SLC2A11: variants seen among roughly 807,000 people sequenced by gnomAD.
SLC2A11 encodes the protein solute carrier family 2 member 11, also known as solute carrier family 2, facilitated glucose transporter member 11.
Under a neutral mutation model 52.1 loss-of-function variants are expected in SLC2A11, and 43 were observed. That is an observed-to-expected ratio of 0.82 (90% CI 0.65 to 1.06). SLC2A11 has a LOEUF of 1.06. Among genes scored for constraint, SLC2A11 ranks in the 50% least tolerant of loss-of-function variants. The probability of loss-of-function intolerance (pLI) is 0.00; values close to 1 mark genes in which losing one functional copy is unlikely to be tolerated. For missense variants in SLC2A11, 582 were observed against 654.2 expected, an observed-to-expected ratio of 0.89 and a Z score of 1.20; for synonymous variants, 261 against 277.6, an observed-to-expected ratio of 0.94 and a Z score of 0.59.
Position 23,868,516 on chromosome 22 carries a change from G to T in SLC2A11, c.165G>T (p.Ala55=). The T allele has an allele frequency of 6.2e-7, 1 of 1,614,214 alleles. No homozygotes were observed. The highest frequency in any genetic ancestry group is 1.1e-5 in the South Asian group (1 of 91,086). ...AATTCACCAATGAGACATGGCAGGC[G>T]CGTACTGGAGAGCCACTGCCCGATC... ...IQEFTNETWQ[A]RTGEPLPDHL... The change falls in exon 3 of 12, where the codon GCG becomes GCT. Residue 55 remains alanine, a synonymous_variant. Transcript: ENST00000316185.
intron 6 of SLC2A11, among the ~76,000 whole-genome samples, chr22:23,879,280 G>A (rs2032725310): frequency 6.6e-6 from 1 of 151,788 alleles, no homozygotes; most frequent in African/African-American, 2.4e-5. Context: ...GTTTTGTTTG[G>A]GACAGGGTCT....
chr22:23,877,366 C>A (rs1287475034), intron 5 of SLC2A11, 195 bp downstream of exon 5: 2 of 946,574 alleles, frequency 2.1e-6, no homozygotes, highest in Non-Finnish European at 1.7e-6. Flanking sequence ...TGTGAATCAC[C>A]TTTTCCCATC....
intron 1 of SLC2A11, among the ~76,000 whole-genome samples, chr22:23,858,422 C>T (rs367719463): frequency 3.9e-5 from 6 of 152,308 alleles, no homozygotes; most frequent in African/African-American, 1.4e-4. Context: ...GACGTCCTGC[C>T]TCACAGAGGG....
intron 1 of SLC2A11, among the ~76,000 whole-genome samples, chr22:23,859,838 A>G (rs1280943880): frequency 6.6e-6 from 1 of 152,242 alleles, no homozygotes; most frequent in Non-Finnish European, 1.5e-5. Context: ...TAGGTTCTGG[A>G]AACTTCAGAA....
intron 2 of SLC2A11, among the ~76,000 whole-genome samples, chr22:23,865,063 C>T (rs1228212073): frequency 1.4e-5 from 2 of 137,954 alleles, no homozygotes; most frequent in East Asian, 2.2e-4. Context: ...GCTGAGATCT[C>T]GCCACTGTGC....
At chr22:23,881,985 G>GAC (rs1281814626) in intron 6 of SLC2A11, 129 of 205,868 alleles carry the variant, frequency 6.3e-4, no homozygotes, top group Middle Eastern at 1.9e-3. Flanking sequence ...CAGAGACAGA[G>GAC]AGATTGAGAG....
chr22:23,868,795 C>A, intron 3 of SLC2A11, 154 bp downstream of exon 3: 1 of 828,938 alleles, frequency 1.2e-6, no homozygotes, highest in Non-Finnish European at 1.8e-6. Context: ...TTTCACCTTG[C>A]AAGACACGTC....
chr22:23,877,815 G>A lies in SLC2A11; in HGVS notation c.640G>A (p.Glu214Lys), dbSNP rs746740860. 3.1e-6 allele frequency: 5 copies of A among 1,613,370 alleles called. No individual in the cohort carries two copies. Among genetic ancestry groups the A allele is most frequent in the Non-Finnish European group, 4.2e-6 (5 of 1,179,740 alleles). Residue 214 changes from glutamate to lysine, a missense_variant, in exon 6 of 12, where the codon GAA becomes AAA. Physicochemically the swap from Glu to Lys is moderately conservative, Grantham distance 56. Coordinates refer to ENST00000316185, the MANE Select transcript of SLC2A11 (RefSeq NM_001024939.4). ...GCTCGCCTCCCTGCCTCTGCTCCCT[G>A]AAAGCCCGCGCTACCTCCTCATTGA... ...LQLASLPLLP[E>K]SPRYLLIDCG...
At chr22:23,875,330 T>G (rs781611181) in intron 4 of SLC2A11, 89 bp downstream of exon 4, 44 of 1,264,758 alleles carry the variant, frequency 3.5e-5, no homozygotes, top group South Asian at 9.0e-5. Flanking sequence ...TTCCTTCATT[T>G]CCTCCCTTTA....
chr22:23,867,660 C>T (rs1168253854), intron 2 of SLC2A11: 1 of 470,120 alleles, frequency 2.1e-6, no homozygotes, highest in African/African-American at 2.0e-5. Flanking sequence ...TCCGAATGTT[C>T]AGCCCCACTC....
At chr22:23,863,863 T>C (rs924886639) in intron 2 of SLC2A11, among the ~76,000 whole-genome samples, 1 of 152,114 alleles carries the variant, frequency 6.6e-6, no homozygotes, top group Non-Finnish European at 1.5e-5. Flanking sequence ...ACTCCTGAGC[T>C]GAAGTGGTCC....
Position 23,876,993 on chromosome 22 carries a change from TG to T in SLC2A11, c.416-44del. 3 of 1,611,746 alleles carry T rather than the reference TG, an allele frequency of 1.9e-6. No individual in the cohort carries two copies. The South Asian group carries it at 3.3e-5, about 18-fold the overall frequency. On this transcript the variant is annotated intron_variant, in intron 4 of 11. Coordinates refer to ENST00000316185, the MANE Select transcript of SLC2A11 (RefSeq NM_001024939.4). ...GGGAGACAGGCTGGGTGTCGTGGAG[TG>T]GGGGTCCCAGCTGGTGGCTGACGTG...
upstream of SLC2A11, chr22:23,857,532 G>C: frequency 6.2e-7 from 1 of 1,612,998 alleles, no homozygotes; most frequent in African/African-American, 1.3e-5. Context: ...TCGGACGCAG[G>C]TGAGCTCCCA....
intron 6 of SLC2A11, 47 bp downstream of exon 6, chr22:23,877,916 G>T: frequency 6.4e-7 from 1 of 1,573,246 alleles, no homozygotes; most frequent in Non-Finnish European, 8.6e-7. Flanking sequence ...ACCAAGGGAT[G>T]CATCTCCCCA....
chr22:23,858,964 G>A (rs1568981678), intron 1 of SLC2A11, among the ~76,000 whole-genome samples: 2 of 152,192 alleles, frequency 1.3e-5, no homozygotes, highest in African/African-American at 4.8e-5. Context: ...TTTGTTTGCT[G>A]AATTAATGGT....
In SLC2A11 at chr22:23,877,072, T is replaced by G. The variant is rs1555886498; in HGVS notation, c.446T>G (p.Leu149Arg). 1.2e-6 allele frequency: 2 copies of G among 1,613,900 alleles called. No individual in the cohort carries two copies. The highest frequency in any genetic ancestry group is 1.1e-5 in the South Asian group (1 of 91,070). ...AGCATGAACATCCAGCCCATGTACCTGGGGGAGAGCGCCCCTAAGGAGCTC... is the reference window on the plus strand; with the variant it reads ...AGCATGAACATCCAGCCCATGTACCGGGGGGAGAGCGCCCCTAAGGAGCTC... ...GVSMNIQPMY[L>R]GESAPKELRG... Residue 149 changes from leucine to arginine, a missense_variant, in exon 5 of 12, where the codon CTG becomes CGG. Leu to Arg is a moderately radical substitution (Grantham distance 102). Transcript: ENST00000316185.
At chr22:23,857,647 TA>T, upstream of SLC2A11, 1 of 1,008,096 alleles carries the variant, frequency 9.9e-7, no homozygotes, top group Non-Finnish European at 1.4e-6. Context: ...CAGCCCTTCT[TA>T]AAAACGCTGA....
Position 23,862,175 on chromosome 22 carries a change from C to T in SLC2A11, c.102C>T (p.Asn34=), listed in dbSNP as rs1340992479. 4 of 1,614,002 alleles carry T rather than the reference C, an allele frequency of 2.5e-6. No individual in the cohort carries two copies. In the African/African-American group the frequency reaches 5.3e-5, roughly 22 times the overall value. Residue 34 remains asparagine (N), a synonymous_variant, in exon 2 of 12, where the codon AAC becomes AAT. Coordinates refer to ENST00000316185, the MANE Select transcript of SLC2A11 (RefSeq NM_001024939.4). ...GTGGGACTTTTCAGTTTGGCTATAA[C>T]CTCTCTATCATCAATGCCCCGACCT... is the stretch of plus-strand genomic sequence containing the variant. ...GIGGTFQFGY[N]LSIINAPTLH... is the part of the protein sequence containing the mutation.
In SLC2A11 at chr22:23,884,644, C is replaced by T. The variant is rs369186036; in HGVS notation, c.1300-5C>T. 3.1e-5 allele frequency: 50 copies of T among 1,608,662 alleles called. No homozygotes were observed. Among genetic ancestry groups the T allele is most frequent in the Non-Finnish European group, 3.8e-5 (45 of 1,177,636 alleles). ...CCAGGTCTTGGGGTCTTTTTTAATC[C>T]GCAGGAGGCCTTGTCCCACTTCCTC... On this transcript the variant is annotated splice_polypyrimidine_tract_variant and splice_region_variant and intron_variant, in intron 11 of 11. Coordinates refer to ENST00000316185, the MANE Select transcript of SLC2A11 (RefSeq NM_001024939.4). The surrounding 1 kb of genome is among the most constrained non-coding windows in gnomAD (Gnocchi z 4.3).
Sources: gnomAD v4.1 joint callset for allele counts (sites outside exome capture counted in the v4.1 genomes callset) on GRCh38, gnomAD v4.1.1 for gene constraint, Gnocchi (gnomAD v3.1) non-coding constraint, MANE v1.5 for transcripts, NCBI Gene and HGNC (gene_info 2026-07-23, HGNC 2026-07-21) for gene names.